Variants in RRAS2 observed in about 807,000 individuals in gnomAD.
The protein encoded by RRAS2 is RAS related 2.
Under a neutral mutation model 27.6 loss-of-function variants are expected in RRAS2, and 7 were observed. That is an observed-to-expected ratio of 0.25 (90% CI 0.14 to 0.48). RRAS2 has a LOEUF of 0.48. RRAS2 is among the 20% of genes least tolerant of loss of function. The probability of loss-of-function intolerance (pLI) is 0.99; values close to 1 mark genes in which losing one functional copy is unlikely to be tolerated. For synonymous variants in RRAS2, 86 were observed against 90.9 expected (o/e 0.95, Z 0.31); for missense variants, 178 against 256.2 (o/e 0.69, Z 2.08).
intron 1 of RRAS2, among the ~76,000 whole-genome samples, chr11:14,319,840 C>T (rs949871052): frequency 7.2e-5 from 11 of 152,232 alleles, no homozygotes; most frequent in East Asian, 5.8e-4. Flanking sequence ...TTTTTCAGAG[C>T]GCAGAAAAGT....
intron 4 of RRAS2, among the ~76,000 whole-genome samples, chr11:14,285,750 T>C (rs981052873): frequency 1.3e-5 from 2 of 152,240 alleles, no homozygotes; most frequent in Non-Finnish European, 2.9e-5. Flanking sequence ...TAAAAGATTC[T>C]GCACCACTAT....
intron 1 of RRAS2, among the ~76,000 whole-genome samples, chr11:14,299,544 TA>T (rs1246161374): frequency 6.6e-6 from 1 of 152,214 alleles, no homozygotes; most frequent in African/African-American, 2.4e-5. Flanking sequence ...TTTTATGTAG[TA>T]TGCAAAGCCA....
At chr11:14,317,006 G>C (rs139027366) in intron 1 of RRAS2, among the ~76,000 whole-genome samples, 2 of 152,180 alleles carry the variant, frequency 1.3e-5, no homozygotes, top group African/African-American at 4.8e-5. Context: ...TAATTACAGA[G>C]GTGTTAAAAT....
chr11:14,280,289 A>G (rs1849488238), intron 5 of RRAS2, among the ~76,000 whole-genome samples: 1 of 152,142 alleles, frequency 6.6e-6, no homozygotes, highest in Non-Finnish European at 1.5e-5. Flanking sequence ...CCATTAAAAA[A>G]AAATGGGACT....
At chr11:14,282,491 T>C (rs1849567834) in intron 4 of RRAS2, among the ~76,000 whole-genome samples, 1 of 152,222 alleles carries the variant, frequency 6.6e-6, no homozygotes, top group South Asian at 2.1e-4. Context: ...TCCTACATGT[T>C]TTAAATGTAA....
intron 1 of RRAS2, among the ~76,000 whole-genome samples, chr11:14,305,220 T>G: frequency 6.6e-6 from 1 of 152,204 alleles, no homozygotes; most frequent in East Asian, 1.9e-4. Flanking sequence ...GGGCCTGGTA[T>G]GTGCCAGCAG....
intron 1 of RRAS2, among the ~76,000 whole-genome samples, chr11:14,329,300 G>A (rs561471914): frequency 2.0e-5 from 3 of 151,956 alleles, no homozygotes; most frequent in African/African-American, 7.2e-5. Flanking sequence ...TTTTAGTAAA[G>A]ATGGGGTTTC....
chr11:14,360,895 T>C, upstream of RRAS2, among the ~76,000 whole-genome samples: 1 of 138,132 alleles, frequency 7.2e-6, no homozygotes, highest in East Asian at 2.1e-4. Flanking sequence ...CACCCACGCC[T>C]GGGCGACAAT....
intron 1 of RRAS2, among the ~76,000 whole-genome samples, chr11:14,351,641 A>G (rs1554954793): frequency 1.3e-5 from 2 of 151,998 alleles, no homozygotes. Flanking sequence ...GAGGCAGGAG[A>G]ATGGCTTGAG....
At chr11:14,357,454 T>TCAC in intron 1 of RRAS2, among the ~76,000 whole-genome samples, 1 of 152,304 alleles carries the variant, frequency 6.6e-6, no homozygotes, top group East Asian at 1.9e-4. Flanking sequence ...TAAACCAATC[T>TCAC]CACCCCTTAC....
At chr11:14,323,528 T>G (rs1311797784) in intron 1 of RRAS2, among the ~76,000 whole-genome samples, 3 of 151,510 alleles carry the variant, frequency 2.0e-5, no homozygotes, top group African/African-American at 7.3e-5. Context: ...TAAAATAAAC[T>G]TCCCCCTCTT....
chr11:14,344,235 C>T (rs913613485), intron 1 of RRAS2, among the ~76,000 whole-genome samples: 6 of 152,166 alleles, frequency 3.9e-5, no homozygotes, highest in Admixed American at 1.3e-4. Context: ...TCATGTAGTA[C>T]TCAAGCTACT....
In RRAS2 at chr11:14,323,980, T is replaced by TA. The variant is rs34742487; in HGVS notation, c.109-28126dup. ...GGATAAGAAAATGTCACATTTGTCT[T>TA]AAAAAAAAAAAAACTATAGCAAACA... On this transcript the variant is annotated intron_variant, in intron 1 of 5. Transcript: ENST00000256196. 3.0e-3 allele frequency among the ~76,000 whole-genome samples: 443 copies of TA among 145,656 alleles called. 4 individuals are homozygous for TA. The highest frequency in any genetic ancestry group is 0.014 in the East Asian group (69 of 5,064).
At chr11:14,346,587 T>C (rs1357264147) in intron 1 of RRAS2, among the ~76,000 whole-genome samples, 3 of 152,242 alleles carry the variant, frequency 2.0e-5, no homozygotes, top group Non-Finnish European at 2.9e-5. Context: ...AAAGTAAATT[T>C]AATCTTAGAT....
intron 1 of RRAS2, among the ~76,000 whole-genome samples, chr11:14,329,068 TACACAC>T (rs200695347): frequency 0.055 from 7,728 of 141,600 alleles, 276 homozygotes; most frequent in East Asian, 0.14. Context: ...CACATATACA[TACACAC>T]ACACACACAC....
intron 1 of RRAS2, among the ~76,000 whole-genome samples, chr11:14,328,303 T>C (rs1199421091): frequency 1.0e-4 from 14 of 138,452 alleles, no homozygotes; most frequent in Admixed American, 3.3e-4. Context: ...GAGGTGGAGG[T>C]TGCAGTGAGC....
rs181394908 is a variant in RRAS2 at position 14,345,354 on chromosome 11, G to A, written c.108+13409C>T. Among the ~76,000 whole-genome samples the A allele has an allele frequency of 5.5e-4, 84 of 152,192 alleles. 1 individual carries two copies. Among genetic ancestry groups the A allele is most frequent in the African/African-American group, 1.9e-3 (78 of 41,516 alleles). On this transcript the variant is annotated intron_variant, in intron 1 of 5. Transcript: ENST00000256196. Reference sequence around the variant, plus strand: ...TTGTGCTTAGTTCTGTGTAACAAAGGTATTCCTAGTCTACGATTCTGAAAA... The same window carrying A: ...TTGTGCTTAGTTCTGTGTAACAAAGATATTCCTAGTCTACGATTCTGAAAA...
At chr11:14,344,333 C>T (rs1028047772) in intron 1 of RRAS2, among the ~76,000 whole-genome samples, 9 of 152,120 alleles carry the variant, frequency 5.9e-5, no homozygotes, top group African/African-American at 1.4e-4. Flanking sequence ...ATTCCAAAAA[C>T]CCACAAACCT....
rs531150153 is a variant in RRAS2, at chr11:14,321,068, T to C, written c.109-25213A>G. Among the ~76,000 whole-genome samples, 3 of 151,612 alleles carry C rather than the reference T, an allele frequency of 2.0e-5. No individual in the cohort carries two copies. In the South Asian group the frequency reaches 6.2e-4, roughly 32 times the overall value. On this transcript the variant is annotated intron_variant, in intron 1 of 5. Coordinates refer to ENST00000256196, the MANE Select transcript of RRAS2 (RefSeq NM_012250.6). The stretch of plus-strand genomic sequence containing the variant: ...GGTGGCAGGCGCCTGTAATCCCAGC[T>C]ACTTGGGAGGCTGAGGCAGGAGAAT...
Sources: gnomAD v4.1 joint callset for allele counts (sites outside exome capture counted in the v4.1 genomes callset) on GRCh38, gnomAD v4.1.1 for gene constraint, MANE v1.5 for transcripts, NCBI Gene and HGNC (gene_info 2026-07-23, HGNC 2026-07-21) for gene names.